Variants in CHIC1 observed in about 807,000 individuals in gnomAD.
CHIC1 encodes the protein cysteine rich hydrophobic domain 1.
Under a neutral mutation model 18.5 loss-of-function variants are expected in CHIC1, and 7 were observed. The ratio of observed to expected loss-of-function variants is 0.38; its 90% confidence interval spans 0.22 to 0.71. CHIC1 has a LOEUF of 0.71. Among genes scored for constraint, CHIC1 ranks in the 30% least tolerant of loss-of-function variants. The probability of loss-of-function intolerance (pLI) is 0.49; values close to 1 mark genes in which losing one functional copy is unlikely to be tolerated. For missense variants in CHIC1, 159 were observed against 176.9 expected (o/e 0.90, Z 0.57); for synonymous variants, 77 against 73.5 (o/e 1.05, Z -0.25).
At chrX:73,676,276 C>T (rs1048660910) in intron 3 of CHIC1, among the ~76,000 whole-genome samples, 10 of 111,442 alleles carry the variant, frequency 9.0e-5, no homozygotes, top group Non-Finnish European at 1.9e-4. Context: ...TGAATGTTGG[C>T]CTACCTTGCT....
At chrX:73,645,528 C>G (rs2057885072) in intron 3 of CHIC1, among the ~76,000 whole-genome samples, 1 of 112,258 alleles carries the variant, frequency 8.9e-6, no homozygotes, top group Non-Finnish European at 1.9e-5. Context: ...TTTCTGTCAA[C>G]AGTGTCAAAG....
chrX:73,594,019 T>C (rs1299702919), intron 3 of CHIC1, among the ~76,000 whole-genome samples: 1 of 111,266 alleles, frequency 9.0e-6, no homozygotes, highest in African/African-American at 3.3e-5. Context: ...TTTTTTCTGC[T>C]CTGGGGGTTC....
chrX:73,610,535 T>C (rs1436944263), intron 3 of CHIC1, among the ~76,000 whole-genome samples: 2 of 107,565 alleles, frequency 1.9e-5, no homozygotes, highest in South Asian at 7.9e-4. Context: ...CCCTTCCCAA[T>C]TTGTTTTTAT....
chrX:73,636,891 ATG>A (rs1351634881), intron 3 of CHIC1, among the ~76,000 whole-genome samples: 1 of 110,969 alleles, frequency 9.0e-6, no homozygotes, highest in Admixed American at 9.6e-5. Flanking sequence ...CAATTATTTT[ATG>A]TGTTTATCAT....
chrX:73,678,685 C>T (rs2058083694), intron 3 of CHIC1, among the ~76,000 whole-genome samples: 1 of 112,337 alleles, frequency 8.9e-6, no homozygotes, highest in Admixed American at 9.4e-5. Flanking sequence ...TATACAGATT[C>T]TAAATGAAGA....
At chrX:73,651,283 C>T (rs999368739) in intron 3 of CHIC1, among the ~76,000 whole-genome samples, 1 of 111,303 alleles carries the variant, frequency 9.0e-6, no homozygotes, top group Non-Finnish European at 1.9e-5. Flanking sequence ...ATTGAATGGG[C>T]AAAAGCTGGA....
At chrX:73,678,475 G>A (rs1157347045) in intron 3 of CHIC1, among the ~76,000 whole-genome samples, 4 of 111,676 alleles carry the variant, frequency 3.6e-5, no homozygotes, top group African/African-American at 9.8e-5. Context: ...TGCTCTTCAG[G>A]CTCCCAGGCC....
intron 3 of CHIC1, among the ~76,000 whole-genome samples, chrX:73,626,381 A>G (rs2057783635): frequency 9.0e-6 from 1 of 111,400 alleles, no homozygotes; most frequent in Admixed American, 9.5e-5. Flanking sequence ...CACTTTGAAT[A>G]AACTTACTAC....
At chrX:73,622,479 C>T (rs754486038) in intron 3 of CHIC1, among the ~76,000 whole-genome samples, 23 of 111,641 alleles carry the variant, frequency 2.1e-4, no homozygotes, top group Non-Finnish European at 4.0e-4. Context: ...AGTTTATTTG[C>T]GTGGAGGTGT....
intron 3 of CHIC1, among the ~76,000 whole-genome samples, chrX:73,622,027 T>C (rs1227187174): frequency 8.9e-6 from 1 of 112,322 alleles, no homozygotes; most frequent in African/African-American, 3.2e-5. Context: ...GAACCAGCCT[T>C]GCACCCCAGG....
chrX:73,646,975 A>G (rs2057892436), intron 3 of CHIC1, among the ~76,000 whole-genome samples: 1 of 112,064 alleles, frequency 8.9e-6, no homozygotes, highest in Non-Finnish European at 1.9e-5. Flanking sequence ...TGATTTTTGT[A>G]TATGGTGAGA....
rs367876960 is a variant in CHIC1, at chrX:73,652,582, G to A, written c.508-26744G>A. 4.2e-4 allele frequency among the ~76,000 whole-genome samples: 47 copies of A among 111,939 alleles called. 1 individual carries two copies. In the South Asian group the frequency reaches 0.018, roughly 42 times the overall value. On this transcript the variant is annotated intron_variant, in intron 3 of 5. Transcript: ENST00000373502. ...ATGTGGGCAAAGTATATGAACAGACGCTATTCAAAAGAAGACATTTATGTG... is the reference window on the plus strand; with the variant it reads ...ATGTGGGCAAAGTATATGAACAGACACTATTCAAAAGAAGACATTTATGTG...
At chrX:73,588,805 G>A (rs1340840115) in intron 3 of CHIC1, among the ~76,000 whole-genome samples, 2 of 110,034 alleles carry the variant, frequency 1.8e-5, no homozygotes, top group African/African-American at 6.6e-5. Flanking sequence ...AATTCTAGGA[G>A]TTTGTTCATT....
At chrX:73,669,108 A>G (rs1242690917) in intron 3 of CHIC1, among the ~76,000 whole-genome samples, 1 of 111,825 alleles carries the variant, frequency 8.9e-6, no homozygotes. Context: ...ATGCCTTAAC[A>G]GAACAGCTGT....
chrX:73,577,390 CTG>C lies in CHIC1; in HGVS notation c.297-13_297-12del. 1.7e-6 allele frequency: 2 copies of C among 1,166,439 alleles called. No homozygotes were observed. The highest frequency in any genetic ancestry group is 1.8e-5 in the African/African-American group (1 of 56,382). On this transcript the variant is annotated splice_polypyrimidine_tract_variant and intron_variant, in intron 1 of 5. Coordinates refer to ENST00000373502, the MANE Select transcript of CHIC1 (RefSeq NM_001039840.4). ...TATGCTGGGTAGAACATATTTTGTTCTGTGTTTGTTTTGAAGGTTTGGCTTGA... is the reference window on the plus strand; with the variant it reads ...TATGCTGGGTAGAACATATTTTGTTCTGTTTGTTTTGAAGGTTTGGCTTGA...
Position 73,682,309 on chromosome X carries a change from C to T in CHIC1, c.*1304C>T, listed in dbSNP as rs760802187. 1.8e-5 allele frequency: 2 copies of T among 111,799 alleles called. No homozygotes were observed. The highest frequency in any genetic ancestry group is 7.3e-4 in the South Asian group (2 of 2,729). 9.2% of individuals were successfully genotyped at this position (111,799 alleles called of 1,213,427 possible). On this transcript the variant is annotated 3_prime_UTR_variant, in exon 6 of 6. Coordinates refer to ENST00000373502, the MANE Select transcript of CHIC1 (RefSeq NM_001039840.4). The stretch of plus-strand genomic sequence containing the variant: ...TTTTTCTTCACAATTAAAATGATTG[C>T]TAGCACCACACAACTAGAATTTGAA...
rs181422077 is a variant in CHIC1, at chrX:73,686,541, A to G, written c.*5536A>G. 1.1e-3 allele frequency: 118 copies of G among 111,899 alleles called. 1 individual carries two copies. The highest frequency in any genetic ancestry group is 3.4e-3 in the African/African-American group (105 of 30,924). The allele number at this position is 111,899 out of a possible 1,213,427, so 9.2% of individuals were successfully genotyped here. ...ATGAATCAAGGCAATAATTTCTCAA[A>G]TGTTCTTTTATTTCTTTGTTTTTAT... On this transcript the variant is annotated 3_prime_UTR_variant, in exon 6 of 6. Coordinates refer to ENST00000373502, the MANE Select transcript of CHIC1 (RefSeq NM_001039840.4).
chrX:73,602,481 T>C (rs2057656299), intron 3 of CHIC1, among the ~76,000 whole-genome samples: 1 of 108,920 alleles, frequency 9.2e-6, no homozygotes, highest in African/African-American at 3.6e-5. Context: ...TTCACTCTGA[T>C]GATAGTTTCT....
chrX:73,642,290 T>A (rs966510373), intron 3 of CHIC1, among the ~76,000 whole-genome samples: 2 of 111,517 alleles, frequency 1.8e-5, no homozygotes, highest in Non-Finnish European at 3.8e-5. Flanking sequence ...CATTTTTTCA[T>A]GTGTTTTTTG....
Sources: gnomAD v4.1 joint callset for allele counts (sites outside exome capture counted in the v4.1 genomes callset) on GRCh38, gnomAD v4.1.1 for gene constraint, MANE v1.5 for transcripts, NCBI Gene and HGNC (gene_info 2026-07-23, HGNC 2026-07-21) for gene names.